The following LPCAT2 variants were observed in gnomAD, a reference collection of about 807,000 sequenced individuals.
LPCAT2 encodes the protein 1-AGP acyltransferase 11.
In LPCAT2, 58 loss-of-function variants were observed where a neutral mutation model predicts 64.7. The ratio of observed to expected loss-of-function variants is 0.90; its 90% CI spans 0.73 to 1.12. The LOEUF is 1.12. Ranked by LOEUF, LPCAT2 falls within the 50% of genes most tolerant of loss-of-function variation. The probability of loss-of-function intolerance (pLI) is 0.00; values close to 1 mark genes in which losing one functional copy is unlikely to be tolerated. For missense variants in LPCAT2, 579 were observed against 669.8 expected (o/e 0.86, Z 1.50); for synonymous variants, 252 against 245.3 (o/e 1.03, Z -0.26).
intron 11 of LPCAT2, among the ~76,000 whole-genome samples, chr16:55,558,547 A>C (rs558399198): frequency 6.6e-6 from 1 of 152,274 alleles, no homozygotes; most frequent in East Asian, 1.9e-4. Flanking sequence ...ACTACATCTC[A>C]AGATGCATTC....
At chr16:55,573,486 A>G (rs1490379345) in intron 11 of LPCAT2, among the ~76,000 whole-genome samples, 1 of 151,906 alleles carries the variant, frequency 6.6e-6, no homozygotes, top group Non-Finnish European at 1.5e-5. Context: ...GAAACTTTTG[A>G]TTGAAGCGTA....
chr16:55,554,772 A>C (rs1172878812), intron 11 of LPCAT2, among the ~76,000 whole-genome samples: 1 of 152,214 alleles, frequency 6.6e-6, no homozygotes, highest in Non-Finnish European at 1.5e-5. Context: ...TTTGATGTGA[A>C]GTAAGAAATA....
chr16:55,583,106 A>G lies in LPCAT2; in HGVS notation c.*8A>G. 1.2e-6 allele frequency: 2 copies of G among 1,607,634 alleles called. No homozygotes were observed. The highest frequency in any genetic ancestry group is 1.7e-6 in the Non-Finnish European group (2 of 1,176,000). On this transcript the variant is annotated 3_prime_UTR_variant, in exon 14 of 14. Transcript: ENST00000262134. Reference sequence around the variant, plus strand: ...GACAAAAAAGATGACTGAAAGCAGTATTTCCAATAAGGAAAACACAGTAGC... The same window carrying G: ...GACAAAAAAGATGACTGAAAGCAGTGTTTCCAATAAGGAAAACACAGTAGC...
At chr16:55,562,735 C>A (rs977981040) in intron 11 of LPCAT2, among the ~76,000 whole-genome samples, 12 of 151,748 alleles carry the variant, frequency 7.9e-5, no homozygotes, top group African/African-American at 2.7e-4. Flanking sequence ...TTGAAGTAAG[C>A]AAGGGCGATA....
intron 12 of LPCAT2, 43 bp downstream of exon 12, chr16:55,574,772 A>G (rs761701602): frequency 9.0e-6 from 12 of 1,326,094 alleles, no homozygotes; most frequent in Non-Finnish European, 1.3e-5. Flanking sequence ...TGCCTTGTAA[A>G]CAAGTGTTGA....
chr16:55,531,682 A>C (rs1294217629), intron 4 of LPCAT2, among the ~76,000 whole-genome samples: 1 of 152,230 alleles, frequency 6.6e-6, no homozygotes. Context: ...ACATTTGTTA[A>C]GTATATTCTT....
intron 1 of LPCAT2, among the ~76,000 whole-genome samples, chr16:55,523,964 C>T (rs1379722563): frequency 2.0e-5 from 3 of 151,760 alleles, no homozygotes; most frequent in Admixed American, 1.3e-4. Flanking sequence ...CAAGGATGTA[C>T]AGCAGCTGAA....
chr16:55,530,453 C>G (rs1310615535), intron 4 of LPCAT2, among the ~76,000 whole-genome samples: 1 of 148,046 alleles, frequency 6.8e-6, no homozygotes, highest in African/African-American at 2.5e-5. Flanking sequence ...TTTTTTCAAA[C>G]TTTACCATCT....
chr16:55,533,452 C>A (rs369871236), intron 6 of LPCAT2, among the ~76,000 whole-genome samples: 1 of 117,950 alleles, frequency 8.5e-6, no homozygotes, highest in Non-Finnish European at 1.6e-5. Flanking sequence ...GCTCTGTCAT[C>A]AAGGCTGGAG....
At chr16:55,515,998 TATTAG>T (rs1963005368) in intron 1 of LPCAT2, among the ~76,000 whole-genome samples, 1 of 152,072 alleles carries the variant, frequency 6.6e-6, no homozygotes, top group Admixed American at 6.5e-5. Flanking sequence ...AATCCTACCT[TATTAG>T]TAATTACATT....
intron 9 of LPCAT2, among the ~76,000 whole-genome samples, chr16:55,548,454 CAT>C (rs1963478143): frequency 6.6e-6 from 1 of 152,200 alleles, no homozygotes; most frequent in Admixed American, 6.5e-5. Context: ...AGATGAAAAA[CAT>C]AGACAGCTAG....
At chr16:55,555,713 T>A (rs1260897888) in intron 11 of LPCAT2, among the ~76,000 whole-genome samples, 1 of 152,252 alleles carries the variant, frequency 6.6e-6, no homozygotes. Flanking sequence ...GCATGCAGCA[T>A]ACAAATAATC....
At chr16:55,537,914 T>C (rs1353918712) in intron 8 of LPCAT2, among the ~76,000 whole-genome samples, 1 of 152,190 alleles carries the variant, frequency 6.6e-6, no homozygotes, top group Non-Finnish European at 1.5e-5. Context: ...TTGAATGATA[T>C]ATTTTCACAT....
intron 4 of LPCAT2, 107 bp downstream of exon 4, chr16:55,530,054 A>G (rs894657076): frequency 1.4e-6 from 1 of 709,730 alleles, no homozygotes; most frequent in Non-Finnish European, 2.3e-6. Flanking sequence ...GGACACCTAT[A>G]CTAGGTATTG....
intron 11 of LPCAT2, among the ~76,000 whole-genome samples, chr16:55,564,411 A>G (rs1963668910): frequency 6.6e-6 from 1 of 151,948 alleles, no homozygotes; most frequent in Non-Finnish European, 1.5e-5. Context: ...AAGAATAGCA[A>G]AGTTGAAAGC....
chr16:55,567,496 A>G (rs565060844), intron 11 of LPCAT2: 51 of 1,612,276 alleles, frequency 3.2e-5, no homozygotes, highest in Non-Finnish European at 4.2e-5. Flanking sequence ...TTGACCATGT[A>G]TTCCTGAAGT....
intron 4 of LPCAT2, among the ~76,000 whole-genome samples, chr16:55,531,450 G>A (rs1963251998): frequency 6.6e-6 from 1 of 152,134 alleles, no homozygotes; most frequent in Non-Finnish European, 1.5e-5. Flanking sequence ...TAAACATGAA[G>A]CACATTGTAC....
intron 1 of LPCAT2, among the ~76,000 whole-genome samples, chr16:55,513,103 A>T (rs1292803646): frequency 6.6e-6 from 1 of 152,228 alleles, no homozygotes; most frequent in Non-Finnish European, 1.5e-5. Flanking sequence ...GGAAAATGTG[A>T]CCTGTGATCA....
At chr16:55,521,947 C>T (rs180979777) in intron 1 of LPCAT2, among the ~76,000 whole-genome samples, 208 of 151,824 alleles carry the variant, frequency 1.4e-3, no homozygotes, top group Non-Finnish European at 2.4e-3. Flanking sequence ...AGACAAATAT[C>T]TTGTTCACCA....
Sources: allele counts gnomAD v4.1 joint callset (sites outside exome capture counted in the v4.1 genomes callset), GRCh38; gene constraint gnomAD v4.1.1; transcripts MANE v1.5; gene names NCBI Gene and HGNC (gene_info 2026-07-23, HGNC 2026-07-21).